ERBB4: variants seen among roughly 807,000 people sequenced by gnomAD.
ERBB4 encodes the protein erb-b2 receptor tyrosine kinase 4.
A neutral mutation model predicts 158.0 loss-of-function variants in ERBB4; 42 were observed. The ratio of observed to expected loss-of-function variants is 0.27; its 90% confidence interval spans 0.21 to 0.34. The LOEUF is 0.34. Ranked by LOEUF, ERBB4 falls within the 10% of genes least tolerant of loss-of-function variation. The pLI is 1.00. For synonymous variants in ERBB4, 583 were observed against 558.7 expected, an observed-to-expected ratio of 1.04 and a Z score of -0.61; for missense variants, 1,333 against 1,624.1, an observed-to-expected ratio of 0.82 and a Z score of 3.08.
At chr2:212,117,277 G>C (rs979682710) in intron 2 of ERBB4, among the ~76,000 whole-genome samples, 9 of 152,216 alleles carry the variant, frequency 5.9e-5, no homozygotes, top group African/African-American at 2.2e-4. Context: ...AATTTTACAT[G>C]AAATTAAAAC....
At chr2:211,706,774 A>C (rs1162666700) in intron 9 of ERBB4, among the ~76,000 whole-genome samples, 1 of 152,208 alleles carries the variant, frequency 6.6e-6, no homozygotes, top group African/African-American at 2.4e-5. Flanking sequence ...TATAATTCAC[A>C]CATAAACTAT....
At chr2:211,828,381 G>A (rs1319356722) in intron 3 of ERBB4, among the ~76,000 whole-genome samples, 1 of 152,076 alleles carries the variant, frequency 6.6e-6, no homozygotes, top group Non-Finnish European at 1.5e-5. Context: ...AAGGAAAGTA[G>A]AACAAGCTCT....
intron 12 of ERBB4, among the ~76,000 whole-genome samples, chr2:211,686,882 T>C (rs1225025106): frequency 6.6e-6 from 1 of 152,156 alleles, no homozygotes; most frequent in Non-Finnish European, 1.5e-5. Flanking sequence ...GGGTATTCTT[T>C]CTTCATTTAT....
chr2:212,075,682 G>T (rs757893925), intron 2 of ERBB4, among the ~76,000 whole-genome samples: 12 of 151,726 alleles, frequency 7.9e-5, no homozygotes, highest in Non-Finnish European at 1.3e-4. Context: ...AACATTGGTT[G>T]GTTTTATATA....
chr2:212,222,838 A>G (rs1915747), intron 1 of ERBB4, among the ~76,000 whole-genome samples: 70,994 of 151,216 alleles, frequency 0.47, 17,050 homozygotes, highest in East Asian at 0.76. Context: ...TGTAATCTCC[A>G]GAAGAGATAG....
intron 20 of ERBB4, among the ~76,000 whole-genome samples, chr2:211,507,209 A>G (rs774243946): frequency 9.2e-5 from 14 of 152,172 alleles, no homozygotes; most frequent in Non-Finnish European, 1.5e-4. Flanking sequence ...AAACTAAATC[A>G]GTAATAAAAA....
intron 1 of ERBB4, among the ~76,000 whole-genome samples, chr2:212,340,944 C>T (rs2088679792): frequency 6.6e-6 from 1 of 152,132 alleles, no homozygotes; most frequent in Non-Finnish European, 1.5e-5. Flanking sequence ...ATTGATTTAA[C>T]TCACAGGATT....
chr2:212,530,601 T>C (rs1387477908), intron 1 of ERBB4, among the ~76,000 whole-genome samples: 1 of 152,174 alleles, frequency 6.6e-6, no homozygotes, highest in Non-Finnish European at 1.5e-5. Flanking sequence ...ATACTTGATA[T>C]AGTCACAGAG....
At chr2:212,154,368 G>C (rs2080968976) in intron 1 of ERBB4, among the ~76,000 whole-genome samples, 1 of 152,224 alleles carries the variant, frequency 6.6e-6, no homozygotes, top group Middle Eastern at 3.4e-3. Context: ...GGAAGCTGGG[G>C]ATTTTATCTA....
At chr2:212,510,355 G>A (rs1026794531) in intron 1 of ERBB4, among the ~76,000 whole-genome samples, 1 of 151,388 alleles carries the variant, frequency 6.6e-6, no homozygotes, top group African/African-American at 2.4e-5. Flanking sequence ...GTAATAACCT[G>A]GTTTGACAAG....
intron 20 of ERBB4, among the ~76,000 whole-genome samples, chr2:211,441,893 T>C (rs2125455002): frequency 6.6e-6 from 1 of 152,298 alleles, no homozygotes; most frequent in East Asian, 1.9e-4. Context: ...ACTCATTCCA[T>C]AAAGGCTCAG....
intron 2 of ERBB4, among the ~76,000 whole-genome samples, chr2:211,965,531 C>T (rs567356372): frequency 1.3e-4 from 19 of 151,988 alleles, no homozygotes; most frequent in South Asian, 6.2e-4. Flanking sequence ...CTTCAAAGAC[C>T]GGAGTACAAG....
chr2:211,725,280 C>A, intron 5 of ERBB4, 86 bp from the exon 6 acceptor site: 2 of 1,001,198 alleles, frequency 2.0e-6, no homozygotes, highest in Middle Eastern at 2.1e-4. Flanking sequence ...AATTTCTCAC[C>A]CTGTCTTTGA....
chr2:211,522,812 T>C (rs2066225334), intron 20 of ERBB4, among the ~76,000 whole-genome samples: 1 of 152,130 alleles, frequency 6.6e-6, no homozygotes, highest in Non-Finnish European at 1.5e-5. Flanking sequence ...TTTTTAGATA[T>C]AATGCTATTG....
intron 5 of ERBB4, 102 bp downstream of exon 5, chr2:211,750,537 T>C (rs1211983784): frequency 1.0e-6 from 1 of 980,528 alleles, no homozygotes; most frequent in Non-Finnish European, 1.6e-6. Flanking sequence ...AAGGAGGTGA[T>C]AGCTCATTTC....
At chr2:212,191,552 G>A (rs62641582) in intron 1 of ERBB4, among the ~76,000 whole-genome samples, 188 of 10,242 alleles carry the variant, frequency 0.018, 17 homozygotes, top group South Asian at 0.053. Flanking sequence ...CATGTGTTAT[G>A]CCTGTTATAT....
chr2:212,409,048 T>C (rs763613968), intron 1 of ERBB4, among the ~76,000 whole-genome samples: 3 of 152,198 alleles, frequency 2.0e-5, no homozygotes, highest in Non-Finnish European at 4.4e-5. Context: ...AAATCATTTA[T>C]TCAAGAACAC....
At chr2:212,198,818 A>C (rs2082508182) in intron 1 of ERBB4, among the ~76,000 whole-genome samples, 1 of 139,522 alleles carries the variant, frequency 7.2e-6, no homozygotes, top group Non-Finnish European at 1.5e-5. Flanking sequence ...TCCTGACCTC[A>C]CGTGATCCAC....
At chr2:212,345,976 T>C (rs2088980674) in intron 1 of ERBB4, among the ~76,000 whole-genome samples, 1 of 152,138 alleles carries the variant, frequency 6.6e-6, no homozygotes, top group Non-Finnish European at 1.5e-5. Flanking sequence ...ATTAAGAAAT[T>C]TAAGTTTGCA....
Sources: gnomAD v4.1 joint callset for allele counts (sites outside exome capture counted in the v4.1 genomes callset) on GRCh38, gnomAD v4.1.1 for gene constraint, MANE v1.5 for transcripts, NCBI Gene and HGNC (gene_info 2026-07-23, HGNC 2026-07-21) for gene names.